The following CUX2 variants were observed in gnomAD, a reference collection of about 807,000 sequenced individuals.
CUX2 encodes homeobox protein cut-like 2.
Under a neutral mutation model 144.8 loss-of-function variants are expected in CUX2, and 40 were observed. The observed-to-expected ratio is 0.28, with a 90% CI of 0.21 to 0.36. CUX2 has a LOEUF of 0.36. CUX2 is among the 10% of genes least tolerant of loss of function. The pLI is 1.00. For synonymous variants in CUX2, 827 were observed against 875.6 expected, an observed-to-expected ratio of 0.94 and a Z score of 0.98; for missense variants, 1,615 against 1,994.0, an observed-to-expected ratio of 0.81 and a Z score of 3.62.
At chr12:111,281,174 C>T (rs1230433848) in intron 4 of CUX2, among the ~76,000 whole-genome samples, 1 of 152,186 alleles carries the variant, frequency 6.6e-6, no homozygotes, top group African/African-American at 2.4e-5. Flanking sequence ...TCTACATTAT[C>T]AACAGAGGGG....
In CUX2 at chr12:111,310,372, G is replaced by T; in HGVS notation, c.1590G>T (p.Leu530=). 6.3e-7 allele frequency: 1 copy of T among 1,593,814 alleles called. No individual in the cohort carries two copies. The highest frequency in any genetic ancestry group is 1.1e-5 in the South Asian group (1 of 89,412). The stretch of plus-strand genomic sequence containing the variant: ...CCCCGGCCCCTGGCCCTGAGCCACT[G>T]GGCGGTCCTGAGCCCGCGGATGGTG... ...PATPAPGPEP[L]GGPEPADGGG... The change falls in exon 15 of 22, where the codon CTG becomes CTT. Residue 530 remains leucine, a synonymous_variant. Transcript: ENST00000261726. This position sits in a 1 kb window ranked among gnomAD's most constrained non-coding sequence, Gnocchi z 7.9.
chr12:111,266,178 G>A (rs913107150), intron 4 of CUX2, among the ~76,000 whole-genome samples: 5 of 152,102 alleles, frequency 3.3e-5, no homozygotes, highest in Admixed American at 6.6e-5. Context: ...AATGACTGGT[G>A]TTGTAAGAAG....
intron 20 of CUX2, among the ~76,000 whole-genome samples, chr12:111,339,193 C>T (rs1592986236): frequency 6.6e-6 from 1 of 151,954 alleles, no homozygotes; most frequent in East Asian, 1.9e-4. Context: ...GATCACGCCA[C>T]TGCACTCCAC....
At chr12:111,060,665 G>A (rs1178600615) in intron 1 of CUX2, among the ~76,000 whole-genome samples, 1 of 152,230 alleles carries the variant, frequency 6.6e-6, no homozygotes, top group East Asian at 1.9e-4. Context: ...GGAAGCAGGG[G>A]TTCTATCTGG....
chr12:111,148,384 A>G (rs1876831690), intron 1 of CUX2, among the ~76,000 whole-genome samples: 1 of 152,058 alleles, frequency 6.6e-6, no homozygotes, highest in Non-Finnish European at 1.5e-5. Context: ...GGCGGGGAAG[A>G]ATGGAGAGTT....
rs1475656319 is a variant in CUX2, at chr12:111,348,150, CT to C, written c.4287del (p.Ala1430ProfsTer22). On this transcript the variant is annotated frameshift_variant, in exon 22 of 22. Transcript: ENST00000261726. LOFTEE classifies it high-confidence loss of function. The stretch of plus-strand genomic sequence containing the variant: ...TCCCCATCCCCACCTGGCGCCCCCC[CT>C]GCCAAAGTGCCGAGTGCCAGCCCCA... ...PISPSPPGAP[P>X]AKVPSASPTA... 3.7e-6 allele frequency: 6 copies of C among 1,614,038 alleles called. No individual in the cohort carries two copies. Among genetic ancestry groups the C allele is most frequent in the Non-Finnish European group, 4.2e-6 (5 of 1,180,018 alleles).
intron 1 of CUX2, among the ~76,000 whole-genome samples, chr12:111,204,260 C>T (rs1379670551): frequency 6.6e-6 from 1 of 152,242 alleles, no homozygotes; most frequent in Non-Finnish European, 1.5e-5. Context: ...AAAAACCAAC[C>T]ACTGCCTGGG....
rs1565917017 is a variant in CUX2, at chr12:111,320,246, A to T, written c.2237A>T (p.Lys746Met). The change falls in exon 17 of 22, where the codon AAG (lysine) becomes ATG (methionine). Residue 746 changes from lysine (K) to methionine (M), a missense_variant. This residue lies in a region of CUX2 where 390 missense variants were observed against 387.1 expected (regional missense o/e 1.01). Transcript: ENST00000261726. The surrounding 1 kb of genome is among the most constrained non-coding windows in gnomAD (Gnocchi z 8.1). ...ASQNGAPALV[K>M]QEEGSGGPAQ... ...CAGAACGGGGCCCCGGCCTTGGTGA[A>T]GCAGGAGGAGGGCAGCGGGGGCCCC... is the stretch of plus-strand genomic sequence containing the variant. The T allele has an allele frequency of 6.3e-7, 1 of 1,584,010 alleles. No individual in the cohort carries two copies. Among genetic ancestry groups the T allele is most frequent in the African/African-American group, 1.4e-5 (1 of 73,892 alleles).
intron 1 of CUX2, among the ~76,000 whole-genome samples, chr12:111,169,828 G>A (rs943478577): frequency 2.0e-5 from 3 of 152,160 alleles, no homozygotes; most frequent in Admixed American, 6.5e-5. Context: ...TATTAGAGTC[G>A]ATTACACACA....
In CUX2 at chr12:111,061,178, GCACACACA is replaced by G. The variant is rs10525230; in HGVS notation, c.63+26969_63+26976del. ...TGTCCCCAGATGTGTGCATGCATATGCACACACACACACACACACACACACACACACAC... is the reference window on the plus strand; with the variant it reads ...TGTCCCCAGATGTGTGCATGCATATGCACACACACACACACACACACACAC... On this transcript the variant is annotated intron_variant, in intron 1 of 21. Transcript: ENST00000261726. The surrounding 1 kb of genome is among the most constrained non-coding windows in gnomAD (Gnocchi z 4.2). 0.029 allele frequency among the ~76,000 whole-genome samples: 4,112 copies of G among 143,712 alleles called. 170 individuals carry two copies. The highest frequency in any genetic ancestry group is 0.098 in the African/African-American group (3,866 of 39,328). The allele number at this position is 143,712 out of a possible 152,430, so 94.3% of individuals were successfully genotyped here.
At chr12:111,041,326 T>C (rs1869732634) in intron 1 of CUX2, among the ~76,000 whole-genome samples, 1 of 152,200 alleles carries the variant, frequency 6.6e-6, no homozygotes, top group Admixed American at 6.5e-5. Flanking sequence ...ATTTTTAGAG[T>C]ATGAGAGGAG....
At chr12:111,220,159 T>A (rs1192541559) in intron 3 of CUX2, among the ~76,000 whole-genome samples, 3 of 150,080 alleles carry the variant, frequency 2.0e-5, no homozygotes, top group Non-Finnish European at 4.4e-5. Flanking sequence ...AAAAAAAAAA[T>A]TATGCATATT....
At chr12:111,297,809 C>T (rs1565900039) in intron 8 of CUX2, among the ~76,000 whole-genome samples, 1 of 152,126 alleles carries the variant, frequency 6.6e-6, no homozygotes, top group Admixed American at 6.5e-5. Flanking sequence ...TGAGCACTTA[C>T]GGTATGCCCA....
chr12:111,325,561 A>G (rs1038381538), intron 18 of CUX2, among the ~76,000 whole-genome samples: 1 of 151,828 alleles, frequency 6.6e-6, no homozygotes, highest in Non-Finnish European at 1.5e-5. Flanking sequence ...TAGGGTCCCG[A>G]AATGTGTCTA....
chr12:111,115,138 T>C (rs1339427842), intron 1 of CUX2, among the ~76,000 whole-genome samples: 1 of 152,214 alleles, frequency 6.6e-6, no homozygotes, highest in African/African-American at 2.4e-5. Flanking sequence ...AAAGTTTCTT[T>C]GGATATTCTG....
chr12:111,242,859 C>G (rs1272062700), intron 3 of CUX2, among the ~76,000 whole-genome samples: 1 of 152,110 alleles, frequency 6.6e-6, no homozygotes, highest in Non-Finnish European at 1.5e-5. Flanking sequence ...CCCTAGTCCC[C>G]CACCCCATGA....
At chr12:111,055,688 G>A (rs1335019188) in intron 1 of CUX2, among the ~76,000 whole-genome samples, 1 of 151,760 alleles carries the variant, frequency 6.6e-6, no homozygotes, top group Non-Finnish European at 1.5e-5. Flanking sequence ...CCCAGCCCCC[G>A]GAGCTTGCCC....
intron 3 of CUX2, among the ~76,000 whole-genome samples, chr12:111,249,687 C>G (rs1373969699): frequency 6.6e-6 from 1 of 152,014 alleles, no homozygotes; most frequent in Non-Finnish European, 1.5e-5. Flanking sequence ...AAACTCCTGA[C>G]CTCAGGTGAT....
At chr12:111,214,482 T>G (rs1167622323) in intron 2 of CUX2, among the ~76,000 whole-genome samples, 172 bp downstream of exon 2, 1 of 152,178 alleles carries the variant, frequency 6.6e-6, no homozygotes, top group Middle Eastern at 3.2e-3. Context: ...CTAGTGGTGC[T>G]CAGCGGTGCC....
Sources: allele counts gnomAD v4.1 joint callset (sites outside exome capture counted in the v4.1 genomes callset), GRCh38; gene constraint gnomAD v4.1.1; regional missense constraint gnomAD v4.1.1; non-coding constraint Gnocchi (gnomAD v3.1); transcripts MANE v1.5; gene names NCBI Gene and HGNC (gene_info 2026-07-23, HGNC 2026-07-21).